Variants in VHL observed in about 807,000 individuals in gnomAD.
VHL encodes the protein von Hippel-Lindau tumor suppressor.
Under a neutral mutation model 19.2 loss-of-function variants are expected in VHL, and 10 were observed. The ratio of observed to expected loss-of-function variants is 0.52; its 90% confidence interval spans 0.32 to 0.89. VHL has a LOEUF of 0.89. VHL is among the 40% of genes least tolerant of loss of function. The pLI, the probability that VHL is intolerant of heterozygous loss-of-function variation, is 0.03. For missense variants in VHL, 328 were observed against 292.7 expected, an observed-to-expected ratio of 1.12 and a Z score of -0.88; for synonymous variants, 167 against 129.5, an observed-to-expected ratio of 1.29 and a Z score of -1.97.
In VHL at chr3:10,153,601, G is replaced by GTT. The variant is rs67891117; in HGVS notation, c.*3658_*3659dup. Among the ~76,000 whole-genome samples the GTT allele has an allele frequency of 1.4e-4, 4 of 28,094 alleles. No homozygotes were observed. Among genetic ancestry groups the GTT allele is most frequent in the African/African-American group, 2.2e-4 (1 of 4,486 alleles). The allele number at this position is 28,094 out of a possible 152,430, so 18.4% of individuals were successfully genotyped here. On this transcript the variant is annotated 3_prime_UTR_variant, in exon 3 of 3. Transcript: ENST00000256474. ...AGAGACGGTGAAGTTCCTATTTCAAGTTTTTTTTTTTTTTTTTTTTTTTAA... is the reference window on the plus strand; with the variant it reads ...AGAGACGGTGAAGTTCCTATTTCAAGTTTTTTTTTTTTTTTTTTTTTTTTTAA...
Position 10,148,458 on chromosome 3 carries a change from GCGCCCGCCACTA to G in VHL, c.464-1322_464-1311del, listed in dbSNP as rs572304598. Among the ~76,000 whole-genome samples, 30 of 148,770 alleles carry G rather than the reference GCGCCCGCCACTA, an allele frequency of 2.0e-4. No individual in the cohort carries two copies. The South Asian group carries it at 6.4e-3, about 32-fold the overall frequency. On this transcript the variant is annotated intron_variant, in intron 2 of 2. Transcript: ENST00000256474. ...GCCTCCCAAGTAGCTGGGACTACAGGCGCCCGCCACTACGCCCGGCTAATTTTTTGTATTTTT... is the reference window on the plus strand; with the variant it reads ...GCCTCCCAAGTAGCTGGGACTACAGGCGCCCGGCTAATTTTTTGTATTTTT...
At chr3:10,148,575 A>T (rs552980100) in intron 2 of VHL, among the ~76,000 whole-genome samples, 4 of 151,592 alleles carry the variant, frequency 2.6e-5, no homozygotes, top group Non-Finnish European at 5.9e-5. Context: ...CGGCCTCCCA[A>T]AGTGCTGGGA....
chr3:10,149,498 T>C (rs191994474), intron 2 of VHL, among the ~76,000 whole-genome samples: 71 of 152,300 alleles, frequency 4.7e-4, no homozygotes, highest in Middle Eastern at 3.4e-3. Flanking sequence ...CAGGCCTTTT[T>C]AAGGCTTCGG....
At chr3:10,145,674 C>G (rs1052793589) in intron 1 of VHL, among the ~76,000 whole-genome samples, 7 of 149,186 alleles carry the variant, frequency 4.7e-5, no homozygotes, top group Non-Finnish European at 1.0e-4. Context: ...CCACTGCACT[C>G]CAGCCTGGGC....
At position 10,142,985 on chromosome 3, in the gene VHL, AAG is replaced by A. The variant is rs1312220751; in HGVS notation, c.340+803_340+804del. 2 of 152,334 alleles carry A rather than the reference AAG, an allele frequency of 1.3e-5. No homozygotes were observed. Among genetic ancestry groups the A allele is most frequent in the South Asian group, 4.1e-4 (2 of 4,842 alleles). The allele number at this position is 152,334 out of a possible 1,614,324, so 9.4% of individuals were successfully genotyped here. On this transcript the variant is annotated intron_variant, in intron 1 of 2. Transcript: ENST00000256474. ...GTTAAGGAGCACTTCCCGGAGAAGG[AAG>A]AGAGCAGGATGGAGTAGGAACTAGC...
rs71052299 is a variant in VHL, at chr3:10,152,481, C to CTT, written c.*2544_*2545dup. 3.1e-5 allele frequency among the ~76,000 whole-genome samples: 2 copies of CTT among 64,454 alleles called. 1 individual carries two copies. Among genetic ancestry groups the CTT allele is most frequent in the Non-Finnish European group, 5.3e-5 (2 of 37,552 alleles). 42.3% of individuals were successfully genotyped at this position (64,454 alleles called of 152,430 possible). On this transcript the variant is annotated 3_prime_UTR_variant, in exon 3 of 3. Transcript: ENST00000256474. ...CTCCTTTCAACATTCAACAAATAGT[C>CTT]TTTTTTTTTTTTTTTTTTTTTTTTT...
rs878854126 is a variant in VHL, at chr3:10,149,830, A to G, written c.507A>G (p.Leu169=). The G allele has an allele frequency of 6.2e-7, 1 of 1,614,190 alleles. No homozygotes were observed. The highest frequency in any genetic ancestry group is 8.5e-7 in the Non-Finnish European group (1 of 1,180,044). ...KERCLQVVRS[L]VKPENYRRLD... ...GATGCCTCCAGGTTGTCCGGAGCCT[A>G]GTCAAGCCTGAGAATTACAGGAGAC... is the stretch of plus-strand genomic sequence containing the variant. The change falls in exon 3 of 3, where the codon CTA becomes CTG. Residue 169 remains leucine (L), a synonymous_variant. Coordinates refer to ENST00000256474, the MANE Select transcript of VHL (RefSeq NM_000551.4).
intron 2 of VHL, among the ~76,000 whole-genome samples, chr3:10,148,389 A>G (rs1575930347): frequency 7.5e-6 from 1 of 133,464 alleles, no homozygotes; most frequent in Non-Finnish European, 1.6e-5. Flanking sequence ...ATCTCGGCTC[A>G]CTGCAAGCTC....
intron 1 of VHL, among the ~76,000 whole-genome samples, chr3:10,143,193 C>G (rs1176727107): frequency 1.3e-5 from 2 of 151,722 alleles, no homozygotes; most frequent in African/African-American, 4.8e-5. Context: ...TGCAGTGGCG[C>G]GATTGCGGCT....
At chr3:10,144,273 C>T (rs961046520) in intron 1 of VHL, among the ~76,000 whole-genome samples, 1 of 151,086 alleles carries the variant, frequency 6.6e-6, no homozygotes, top group African/African-American at 2.4e-5. Context: ...TGGAGACCAG[C>T]CTGTGCAACA....
At chr3:10,146,460 C>T (rs2125128104) in intron 1 of VHL, 54 bp from the exon 2 acceptor site, 1 of 1,608,676 alleles carries the variant, frequency 6.2e-7, no homozygotes, top group South Asian at 1.1e-5. Flanking sequence ...AGGTGTGGGC[C>T]ACCGTGCCCA....
chr3:10,151,543 C>T lies in VHL; in HGVS notation c.*1578C>T, dbSNP rs1182887045. The T allele has an allele frequency of 8.8e-6, 2 of 226,348 alleles. No homozygotes were observed. Among genetic ancestry groups the T allele is most frequent in the Non-Finnish European group, 1.8e-5 (2 of 113,882 alleles). 14.0% of individuals were successfully genotyped at this position (226,348 alleles called of 1,614,324 possible). On this transcript the variant is annotated 3_prime_UTR_variant, in exon 3 of 3. Transcript: ENST00000256474. ...ACATTTTGAGCTATTTCCTTCCAGC[C>T]TTTTTAGGGCAGATTTTGGTTGGTT...
rs552399136 is a variant in VHL, at chr3:10,143,008, C to G, written c.340+821C>G. The G allele has an allele frequency of 6.6e-6, 1 of 152,368 alleles. No homozygotes were observed. The highest frequency in any genetic ancestry group is 6.5e-5 in the Admixed American group (1 of 15,296). 9.4% of individuals were successfully genotyped at this position (152,368 alleles called of 1,614,324 possible). On this transcript the variant is annotated intron_variant, in intron 1 of 2. Coordinates refer to ENST00000256474, the MANE Select transcript of VHL (RefSeq NM_000551.4). ...GGAAGAGAGCAGGATGGAGTAGGAA[C>G]TAGCCAACCCTAGGTAAGAGGTTCT...
In VHL at chr3:10,153,323, C is replaced by T. The variant is rs879064702; in HGVS notation, c.*3358C>T. 1.3e-5 allele frequency among the ~76,000 whole-genome samples: 2 copies of T among 151,130 alleles called. No individual in the cohort carries two copies. Among genetic ancestry groups the T allele is most frequent in the Non-Finnish European group, 1.5e-5 (1 of 67,810 alleles). On this transcript the variant is annotated 3_prime_UTR_variant, in exon 3 of 3. Coordinates refer to ENST00000256474, the MANE Select transcript of VHL (RefSeq NM_000551.4). Reference sequence around the variant, plus strand: ...AAAATTATCCAGGTGTGGCGGTGGGCGCCTGTGAGGCAGGCGAATCTCTTG... The same window carrying T: ...AAAATTATCCAGGTGTGGCGGTGGGTGCCTGTGAGGCAGGCGAATCTCTTG...
chr3:10,152,493 T>A lies in VHL; in HGVS notation c.*2528T>A, dbSNP rs1696436781. Among the ~76,000 whole-genome samples the A allele has an allele frequency of 8.2e-6, 1 of 121,352 alleles. No individual in the cohort carries two copies. Among genetic ancestry groups the A allele is most frequent in the Non-Finnish European group, 1.7e-5 (1 of 58,094 alleles). 79.6% of individuals were successfully genotyped at this position (121,352 alleles called of 152,430 possible). A position where few individuals can be genotyped will look rare whatever the true frequency, so the allele number is the denominator to read the frequency against. On this transcript the variant is annotated 3_prime_UTR_variant, in exon 3 of 3. Transcript: ENST00000256474. ...TTCAACAAATAGTCTTTTTTTTTTTTTTTTTTTTTTTTTTTTTGAGATGGA... is the reference window on the plus strand; with the variant it reads ...TTCAACAAATAGTCTTTTTTTTTTTATTTTTTTTTTTTTTTTTGAGATGGA...
At chr3:10,146,762 T>A in intron 2 of VHL, 126 bp downstream of exon 2, 1 of 1,186,128 alleles carries the variant, frequency 8.4e-7, no homozygotes, top group South Asian at 1.2e-5. Context: ...TCTTTTTGTA[T>A]CCTATTCTCT....
chr3:10,145,714 A>G (rs1559427634), intron 1 of VHL, among the ~76,000 whole-genome samples: 1 of 151,552 alleles, frequency 6.6e-6, no homozygotes, highest in African/African-American at 2.4e-5. Flanking sequence ...TCAAAAAAAA[A>G]AAAAAGAAAA....
At chr3:10,147,196 G>A (rs1409319421) in intron 2 of VHL, among the ~76,000 whole-genome samples, 1 of 151,832 alleles carries the variant, frequency 6.6e-6, no homozygotes, top group Non-Finnish European at 1.5e-5. Flanking sequence ...ATTTTTAGTA[G>A]AGACGGGGTT....
At position 10,149,109 on chromosome 3, in the gene VHL, CTTTTCTT is replaced by C. The variant is rs542923077; in HGVS notation, c.464-666_464-660del. ...GCCTGTCCCTCTTTTTTTTTTTTCT[CTTTTCTT>C]TTTTCTTTTTTTTCAAGATAGGGTC... On this transcript the variant is annotated intron_variant, in intron 2 of 2. Transcript: ENST00000256474. Among the ~76,000 whole-genome samples, 904 of 142,520 alleles carry C rather than the reference CTTTTCTT, an allele frequency of 6.3e-3. 21 individuals are homozygous for C. The highest frequency in any genetic ancestry group is 0.021 in the African/African-American group (822 of 38,654). The allele number at this position is 142,520 out of a possible 152,430, so 93.5% of individuals were successfully genotyped here. A position where few individuals can be genotyped will look rare whatever the true frequency, so the allele number is the denominator to read the frequency against.
Sources: gnomAD v4.1 joint callset for allele counts (sites outside exome capture counted in the v4.1 genomes callset) on GRCh38, gnomAD v4.1.1 for gene constraint, MANE v1.5 for transcripts, NCBI Gene and HGNC (gene_info 2026-07-23, HGNC 2026-07-21) for gene names.